THSD7B: variants seen among roughly 807,000 people sequenced by gnomAD.
THSD7B encodes the protein thrombospondin type-1 domain-containing protein 7B.
THSD7B carries 138 observed loss-of-function variants against 213.6 expected under a neutral mutation model. The observed-to-expected ratio is 0.65, with a 90% confidence interval of 0.56 to 0.74. The LOEUF is 0.74. Among genes scored for constraint, THSD7B ranks in the 30% least tolerant of loss-of-function variants. The pLI, the probability that THSD7B is intolerant of heterozygous loss-of-function variation, is 0.00. For missense variants in THSD7B, 1,931 were observed against 1,991.5 expected (o/e 0.97, Z 0.58); for synonymous variants, 742 against 687.0 (o/e 1.08, Z -1.25).
intron 2 of THSD7B, among the ~76,000 whole-genome samples, chr2:136,934,138 C>G (rs1684680378): frequency 6.6e-6 from 1 of 152,098 alleles, no homozygotes; most frequent in African/African-American, 2.4e-5. Flanking sequence ...AGTTTCAAAA[C>G]CTTTTATCTA....
chr2:137,435,116 C>T (rs542682833), intron 14 of THSD7B, among the ~76,000 whole-genome samples: 2 of 152,264 alleles, frequency 1.3e-5, no homozygotes, highest in South Asian at 4.1e-4. Flanking sequence ...ACTATCATGT[C>T]CCAGCAGCTA....
intron 12 of THSD7B, among the ~76,000 whole-genome samples, chr2:137,400,396 C>G (rs1397819456): frequency 6.6e-6 from 1 of 151,992 alleles, no homozygotes; most frequent in African/African-American, 2.4e-5. Context: ...TTGGGAGGAG[C>G]ACTTTTTCCT....
Position 137,411,843 on chromosome 2 carries a change from C to A in THSD7B, c.2930C>A (p.Pro977His), listed in dbSNP as rs781051062. ...AVACSDKNGRPVDPSFCSSSG... is the reference protein window; with the variant it reads ...AVACSDKNGRHVDPSFCSSSG... ...GCCTGTTCTGATAAAAATGGAAGAC[C>A]TGTTGACCCCTCCTTCTGCAGCAGC... Residue 977 changes from proline to histidine, a missense_variant, in exon 14 of 28, where the codon CCT becomes CAT. Pro to His is a moderately conservative substitution (Grantham distance 77). Coordinates refer to ENST00000409968, the MANE Select transcript of THSD7B (RefSeq NM_001316349.2). 1 of 1,613,980 alleles carries A rather than the reference C, an allele frequency of 6.2e-7. No individual in the cohort carries two copies. Among genetic ancestry groups the A allele is most frequent in the South Asian group, 1.1e-5 (1 of 91,076 alleles).
chr2:137,067,225 T>C (rs945616996), intron 3 of THSD7B, among the ~76,000 whole-genome samples: 1 of 152,146 alleles, frequency 6.6e-6, no homozygotes, highest in Non-Finnish European at 1.5e-5. Context: ...ACTATGCTTT[T>C]TGTCTTTTAG....
At position 137,674,625 on chromosome 2, in the gene THSD7B, A is replaced by C. The variant is rs184358212; in HGVS notation, c.4740-1899A>C. 2.4e-4 allele frequency among the ~76,000 whole-genome samples: 36 copies of C among 152,358 alleles called. No individual in the cohort carries two copies. The East Asian group carries it at 5.4e-3, about 23-fold the overall frequency. On this transcript the variant is annotated intron_variant, in intron 27 of 27. Coordinates refer to ENST00000409968, the MANE Select transcript of THSD7B (RefSeq NM_001316349.2). ...TAAAGTTAAATTGAATGTTATTCAG[A>C]TAATTAAGCAATACCCTTTTGAAAA... is the stretch of plus-strand genomic sequence containing the variant.
At chr2:137,206,684 T>TA (rs924920195) in intron 7 of THSD7B, among the ~76,000 whole-genome samples, 3 of 151,902 alleles carry the variant, frequency 2.0e-5, no homozygotes, top group African/African-American at 7.2e-5. Flanking sequence ...AGAAAAGCAT[T>TA]AGGGACAGGT....
At chr2:137,037,074 C>G (rs1388776726) in intron 2 of THSD7B, among the ~76,000 whole-genome samples, 1 of 152,136 alleles carries the variant, frequency 6.6e-6, no homozygotes, top group Non-Finnish European at 1.5e-5. Context: ...CATAGCTACT[C>G]CATAATATTT....
intron 21 of THSD7B, among the ~76,000 whole-genome samples, chr2:137,644,842 C>A (rs561160968): frequency 3.3e-5 from 5 of 152,284 alleles, no homozygotes; most frequent in East Asian, 3.9e-4. Context: ...CAAGTATCAA[C>A]CCATAATAAA....
intron 12 of THSD7B, among the ~76,000 whole-genome samples, chr2:137,282,820 G>A (rs1338520719): frequency 1.3e-5 from 2 of 151,792 alleles, no homozygotes; most frequent in Non-Finnish European, 2.9e-5. Context: ...TTGTAGTATA[G>A]TTTGAAGTCA....
intron 2 of THSD7B, among the ~76,000 whole-genome samples, chr2:137,027,010 C>A (rs1686568669): frequency 1.3e-5 from 2 of 152,132 alleles, no homozygotes; most frequent in African/African-American, 2.4e-5. Flanking sequence ...TAAGCCTTTC[C>A]CATTATTGCA....
chr2:137,533,369 ACTT>A (rs1680436312), intron 15 of THSD7B, among the ~76,000 whole-genome samples: 1 of 151,828 alleles, frequency 6.6e-6, no homozygotes, highest in Non-Finnish European at 1.5e-5. Context: ...ATGAGAGACA[ACTT>A]CTTTATCATA....
At chr2:136,771,266 G>A (rs756876321) in intron 1 of THSD7B, among the ~76,000 whole-genome samples, 9 of 151,874 alleles carry the variant, frequency 5.9e-5, no homozygotes, top group Non-Finnish European at 1.3e-4. Flanking sequence ...ATATCTTCTG[G>A]CCAATCACAG....
rs151002174 is a variant in THSD7B at position 137,220,003 on chromosome 2, G to T, written c.1724-11041G>T. Among the ~76,000 whole-genome samples the T allele has an allele frequency of 8.9e-3, 1,358 of 152,222 alleles. 39 individuals are homozygous for T. The highest frequency in any genetic ancestry group is 0.058 in the Admixed American group (883 of 15,300). ...AACTAGTGTTGGTGTTGTATACTAG[G>T]ACACACTGGTTGGAGAATTCACTCT... On this transcript the variant is annotated intron_variant, in intron 7 of 27. Transcript: ENST00000409968.
intron 15 of THSD7B, among the ~76,000 whole-genome samples, chr2:137,517,844 A>G (rs1157976426): frequency 6.6e-6 from 1 of 152,190 alleles, no homozygotes; most frequent in Non-Finnish European, 1.5e-5. Context: ...TCTTCTGCAG[A>G]TAACTGCTCT....
At chr2:137,668,058 G>A (rs1683485792) in intron 27 of THSD7B, among the ~76,000 whole-genome samples, 197 bp downstream of exon 27, 1 of 152,022 alleles carries the variant, frequency 6.6e-6, no homozygotes, top group Non-Finnish European at 1.5e-5. Flanking sequence ...TTTAAATTTG[G>A]TATTTGAATA....
At position 137,386,230 on chromosome 2, in the gene THSD7B, G is replaced by A. The variant is rs115772644; in HGVS notation, c.2501-19383G>A. On this transcript the variant is annotated intron_variant, in intron 12 of 27. Transcript: ENST00000409968. ...AGGCTCCACTGACTGGCTGATGCTCGGGGTCCCAGTGCTGTGCTCTTGCAG... is the reference window on the plus strand; with the variant it reads ...AGGCTCCACTGACTGGCTGATGCTCAGGGTCCCAGTGCTGTGCTCTTGCAG... 6.5e-3 allele frequency among the ~76,000 whole-genome samples: 989 copies of A among 152,264 alleles called. 12 individuals carry two copies. Among genetic ancestry groups the A allele is most frequent in the African/African-American group, 0.023 (947 of 41,550 alleles).
At chr2:137,417,081 A>G (rs774146297) in intron 14 of THSD7B, among the ~76,000 whole-genome samples, 12 of 152,236 alleles carry the variant, frequency 7.9e-5, no homozygotes, top group Non-Finnish European at 1.5e-4. Flanking sequence ...TTTAACACTT[A>G]TAATTTCATT....
chr2:137,478,209 T>C (rs1041396541), intron 15 of THSD7B, among the ~76,000 whole-genome samples: 1 of 152,198 alleles, frequency 6.6e-6, no homozygotes, highest in Non-Finnish European at 1.5e-5. Flanking sequence ...TTTCATTTGC[T>C]AAAACACCAA....
chr2:137,020,025 C>T (rs978100733), intron 2 of THSD7B, among the ~76,000 whole-genome samples: 4 of 152,122 alleles, frequency 2.6e-5, no homozygotes, highest in African/African-American at 4.8e-5. Flanking sequence ...ATCATGAAAA[C>T]GCCAGGCACA....
Sources: gnomAD v4.1 joint callset for allele counts (sites outside exome capture counted in the v4.1 genomes callset) on GRCh38, gnomAD v4.1.1 for gene constraint, MANE v1.5 for transcripts, NCBI Gene and HGNC (gene_info 2026-07-23, HGNC 2026-07-21) for gene names.